The following CHD5 variants were observed in gnomAD, a reference collection of about 807,000 sequenced individuals.
CHD5 encodes ATP-dependent chromatin remodeler CHD5.
Under a neutral mutation model 230.3 loss-of-function variants are expected in CHD5, and 69 were observed. The ratio of observed to expected loss-of-function variants is 0.30; its 90% confidence interval spans 0.25 to 0.37. The LOEUF (loss-of-function observed/expected upper bound fraction) is 0.37. CHD5 is among the 10% of genes least tolerant of loss of function. The pLI is 1.00. For synonymous variants in CHD5, 1,064 were observed against 1,065.9 expected, an observed-to-expected ratio of 1.00 and a Z score of 0.03; for missense variants, 1,827 against 2,622.8, an observed-to-expected ratio of 0.70 and a Z score of 6.63.
intron 1 of CHD5, among the ~76,000 whole-genome samples, chr1:6,178,860 T>C (rs1667465231): frequency 6.6e-6 from 1 of 152,134 alleles, no homozygotes; most frequent in Non-Finnish European, 1.5e-5. Flanking sequence ...TTGTGGAGTC[T>C]TCTCACCCCT....
In CHD5 at chr1:6,152,390, G is replaced by GCGCACACA. The variant is rs1557555770; in HGVS notation, c.870+14_870+21dup. ...CACATGCATGCAAATGCACACACAC[G>GCGCACACA]CGCACACACGCACACACTCACCGAG... On this transcript the variant is annotated intron_variant, in intron 6 of 41. Transcript: ENST00000262450. The GCGCACACA allele has an allele frequency of 2.5e-6, 4 of 1,605,910 alleles. No homozygotes were observed. In the Admixed American group the frequency reaches 6.9e-5, roughly 28 times the overall value.
At position 6,134,356 on chromosome 1, in the gene CHD5, T is replaced by C; in HGVS notation, c.3013-97A>G. 1 of 1,406,582 alleles carries C rather than the reference T, an allele frequency of 7.1e-7. No individual in the cohort carries two copies. The highest frequency in any genetic ancestry group is 9.8e-7 in the Non-Finnish European group (1 of 1,021,576). 87.1% of individuals were successfully genotyped at this position (1,406,582 alleles called of 1,614,324 possible). On this transcript the variant is annotated intron_variant, in intron 19 of 41. Transcript: ENST00000262450. This position sits in a 1 kb window ranked among gnomAD's most constrained non-coding sequence, Gnocchi z 6.3. Reference sequence around the variant, plus strand: ...CAGGGAACAGACAAGTGCTGAGCAATGGGGTGATGGCCTGTCTGCCCACTG... The same window carrying C: ...CAGGGAACAGACAAGTGCTGAGCAACGGGGTGATGGCCTGTCTGCCCACTG...
chr1:6,140,556 C>G (rs1666811542), intron 15 of CHD5, among the ~76,000 whole-genome samples: 1 of 152,166 alleles, frequency 6.6e-6, no homozygotes, highest in South Asian at 2.1e-4. Context: ...TGGGGTGTGT[C>G]TGTTAACTCC....
Position 6,142,663 on chromosome 1 carries a change from C to T in CHD5, c.2044-58G>A. The T allele has an allele frequency of 6.5e-7, 1 of 1,531,616 alleles. No individual in the cohort carries two copies. Among genetic ancestry groups the T allele is most frequent in the Non-Finnish European group, 8.8e-7 (1 of 1,131,352 alleles). 94.9% of individuals were successfully genotyped at this position (1,531,616 alleles called of 1,614,324 possible). Reference sequence around the variant, plus strand: ...AGATCCTGGGCCACCAGAGTCCACACTACAGGCCTTTGCACATGCAATTCC... The same window carrying T: ...AGATCCTGGGCCACCAGAGTCCACATTACAGGCCTTTGCACATGCAATTCC... On this transcript the variant is annotated intron_variant, in intron 13 of 41. Transcript: ENST00000262450. This position sits in a 1 kb window ranked among gnomAD's most constrained non-coding sequence, Gnocchi z 5.2.
intron 3 of CHD5, among the ~76,000 whole-genome samples, chr1:6,156,165 C>G (rs999889723): frequency 1.3e-5 from 2 of 152,234 alleles, no homozygotes; most frequent in Non-Finnish European, 2.9e-5. Context: ...AGCAGGACAG[C>G]ACAGTGGCCT....
chr1:6,143,985 C>T lies in CHD5; in HGVS notation c.1934+39G>A, dbSNP rs78645166. 4.4e-4 allele frequency: 710 copies of T among 1,614,074 alleles called. 2 individuals carry two copies. In the African/African-American group the frequency reaches 7.4e-3, roughly 17 times the overall value. The stretch of plus-strand genomic sequence containing the variant: ...CAAGGCTCAGCCCAGGAGCAGGTCC[C>T]GGCAGCCTGTGCCTAGCAGCCGGAT... On this transcript the variant is annotated intron_variant, in intron 12 of 41. Coordinates refer to ENST00000262450, the MANE Select transcript of CHD5 (RefSeq NM_015557.3).
chr1:6,177,100 A>T (rs1667439676), intron 1 of CHD5, among the ~76,000 whole-genome samples: 1 of 152,246 alleles, frequency 6.6e-6, no homozygotes, highest in Non-Finnish European at 1.5e-5. Flanking sequence ...AGCAGAGTCA[A>T]AGAAAAAAGA....
rs555041659 is a variant in CHD5, at chr1:6,101,952, C to A, written c.*3522G>T. On this transcript the variant is annotated 3_prime_UTR_variant, in exon 42 of 42. Coordinates refer to ENST00000262450, the MANE Select transcript of CHD5 (RefSeq NM_015557.3). ...GGAGCCTGGCTTCCAAAGCTGGACCCGCCCCCGCCGGGGCCACCCTGGCTG... is the reference window on the plus strand; with the variant it reads ...GGAGCCTGGCTTCCAAAGCTGGACCAGCCCCCGCCGGGGCCACCCTGGCTG... The A allele has an allele frequency of 7.3e-6, 3 of 410,104 alleles. No individual in the cohort carries two copies. Among genetic ancestry groups the A allele is most frequent in the South Asian group, 1.6e-5 (1 of 60,916 alleles). 25.4% of individuals were successfully genotyped at this position (410,104 alleles called of 1,614,324 possible).
chr1:6,161,312 C>T (rs931977293), intron 2 of CHD5, among the ~76,000 whole-genome samples: 16 of 152,144 alleles, frequency 1.1e-4, no homozygotes, highest in African/African-American at 3.6e-4. Context: ...TCCAACAGTT[C>T]GTGGAGGGGG....
intron 1 of CHD5, 30 bp downstream of exon 1, chr1:6,179,915 T>A: frequency 8.2e-7 from 1 of 1,226,646 alleles, no homozygotes; most frequent in Non-Finnish European, 1.0e-6. Context: ...CCCGCCGCTC[T>A]GGCCCCAGGC....
intron 2 of CHD5, among the ~76,000 whole-genome samples, chr1:6,164,242 A>G (rs1449957499): frequency 6.6e-6 from 1 of 152,244 alleles, no homozygotes; most frequent in Admixed American, 6.5e-5. Flanking sequence ...CTCATAAGGA[A>G]GGGTGCGGAG....
At chr1:6,136,090 T>A (rs533037870) in intron 17 of CHD5, among the ~76,000 whole-genome samples, 49 of 151,896 alleles carry the variant, frequency 3.2e-4, no homozygotes, top group African/African-American at 1.1e-3. Flanking sequence ...GAACCCCCCA[T>A]TCTGAGCAGG....
At chr1:6,178,864 C>A (rs1181709248) in intron 1 of CHD5, among the ~76,000 whole-genome samples, 1 of 152,200 alleles carries the variant, frequency 6.6e-6, no homozygotes, top group East Asian at 1.9e-4. Flanking sequence ...GGAGTCTTCT[C>A]ACCCCTGGAA....
intron 30 of CHD5, 119 bp from the exon 31 acceptor site, chr1:6,124,226 A>G (rs2273040): frequency 0.55 from 543,864 of 987,554 alleles, 155,418 homozygotes; most frequent in East Asian, 0.85. Flanking sequence ...GGTAGCTGCT[A>G]CCTCCGCCCA....
chr1:6,124,695 G>T, intron 29 of CHD5, 34 bp from the exon 30 acceptor site: 1 of 1,254,338 alleles, frequency 8.0e-7, no homozygotes, highest in Non-Finnish European at 1.1e-6. Flanking sequence ...GGCTCAGGGA[G>T]TGGGGGGCCG....
At position 6,154,101 on chromosome 1, in the gene CHD5, G is replaced by A. The variant is rs937359748; in HGVS notation, c.745+559C>T. 7.2e-5 allele frequency among the ~76,000 whole-genome samples: 11 copies of A among 152,230 alleles called. No individual in the cohort carries two copies. The highest frequency in any genetic ancestry group is 2.4e-4 in the African/African-American group (10 of 41,542). ...CCTCCCTGGGAAGCGAGACCTGGCC[G>A]TGCCCAGTCCCTCCAACTCCTGCCT... On this transcript the variant is annotated intron_variant, in intron 5 of 41. Transcript: ENST00000262450. This position sits in a 1 kb window ranked among gnomAD's most constrained non-coding sequence, Gnocchi z 7.0.
At chr1:6,158,626 T>A (rs1261576429) in intron 3 of CHD5, among the ~76,000 whole-genome samples, 1 of 151,062 alleles carries the variant, frequency 6.6e-6, no homozygotes. Context: ...AAACTCCTTC[T>A]AAAAAAGAAA....
At chr1:6,124,254 C>A (rs1666517430) in intron 30 of CHD5, 147 bp from the exon 31 acceptor site, 4 of 803,438 alleles carry the variant, frequency 5.0e-6, no homozygotes, top group Middle Eastern at 3.6e-4. Flanking sequence ...CCAAGCCAGG[C>A]CCCTCCTGAC....
At position 6,159,528 on chromosome 1, in the gene CHD5, G is replaced by C. The variant is rs749357375; in HGVS notation, c.208-13C>G. ...CATCATTGCTCCCCTGGAAAAGAAGGGGGACAGTGAGGGCAACAGAGGCCC... is the reference window on the plus strand; with the variant it reads ...CATCATTGCTCCCCTGGAAAAGAAGCGGGACAGTGAGGGCAACAGAGGCCC... On this transcript the variant is annotated splice_polypyrimidine_tract_variant and intron_variant, in intron 2 of 41. Transcript: ENST00000262450. 5 of 1,591,162 alleles carry C rather than the reference G, an allele frequency of 3.1e-6. No individual in the cohort carries two copies. The South Asian group carries it at 5.7e-5, about 18-fold the overall frequency.
Sources: gnomAD v4.1 joint callset for allele counts (sites outside exome capture counted in the v4.1 genomes callset) on GRCh38, gnomAD v4.1.1 for gene constraint, Gnocchi (gnomAD v3.1) non-coding constraint, MANE v1.5 for transcripts, NCBI Gene and HGNC (gene_info 2026-07-23, HGNC 2026-07-21) for gene names.